Variants in LAMA2 observed in about 807,000 individuals in gnomAD.
The protein encoded by LAMA2 is laminin subunit alpha-2.
A neutral mutation model predicts 364.8 loss-of-function variants in LAMA2; 269 were observed. The ratio of observed to expected loss-of-function variants is 0.74; its 90% CI spans 0.67 to 0.82. The LOEUF is 0.82. LAMA2 is among the 40% of genes least tolerant of loss of function. The pLI is 0.00. For missense variants in LAMA2, 3,807 were observed against 3,873.2 expected, an observed-to-expected ratio of 0.98 and a Z score of 0.45; for synonymous variants, 1,379 against 1,370.6, an observed-to-expected ratio of 1.01 and a Z score of -0.14.
At chr6:129,124,720 A>G (rs1460559016) in intron 4 of LAMA2, among the ~76,000 whole-genome samples, 1 of 152,228 alleles carries the variant, frequency 6.6e-6, no homozygotes, top group African/African-American at 2.4e-5. Context: ...AATTTTAAAT[A>G]CCATATATTT....
chr6:128,948,163 C>T (rs1780596286), intron 1 of LAMA2, among the ~76,000 whole-genome samples: 1 of 151,916 alleles, frequency 6.6e-6, no homozygotes, highest in South Asian at 2.1e-4. Context: ...GAGGTTAAGG[C>T]TAGAAAAATC....
intron 3 of LAMA2, among the ~76,000 whole-genome samples, chr6:129,073,308 T>G (rs1773435910): frequency 6.6e-6 from 1 of 152,186 alleles, no homozygotes; most frequent in Admixed American, 6.5e-5. Context: ...TTTTTTAATT[T>G]TGCTTTTGGT....
intron 52 of LAMA2, among the ~76,000 whole-genome samples, chr6:129,474,086 CG>C (rs1444111742): frequency 7.9e-5 from 12 of 151,840 alleles, no homozygotes; most frequent in African/African-American, 2.9e-4. Flanking sequence ...TTGGTTAAAC[CG>C]TAAGAGTTTA....
intron 1 of LAMA2, among the ~76,000 whole-genome samples, chr6:129,032,368 G>C (rs1163572667): frequency 6.6e-6 from 1 of 152,170 alleles, no homozygotes; most frequent in Admixed American, 6.5e-5. Flanking sequence ...AAAGCATTAG[G>C]AAAGCCCTCA....
intron 34 of LAMA2, among the ~76,000 whole-genome samples, chr6:129,381,411 G>A (rs573975051): frequency 4.0e-5 from 6 of 151,726 alleles, no homozygotes; most frequent in Admixed American, 1.3e-4. Context: ...GCGTGATCTC[G>A]GCTCACTGCC....
intron 7 of LAMA2, among the ~76,000 whole-genome samples, chr6:129,150,237 A>G (rs543568962): frequency 2.1e-3 from 313 of 152,204 alleles, no homozygotes; most frequent in South Asian, 6.6e-3. Flanking sequence ...GTTTCCTTCA[A>G]CTACTTCCAG....
chr6:129,510,536 A>G (rs2114923386), intron 62 of LAMA2, among the ~76,000 whole-genome samples: 1 of 152,298 alleles, frequency 6.6e-6, no homozygotes, highest in South Asian at 2.1e-4. Flanking sequence ...TAATAAGCAC[A>G]TAATATGTGG....
chr6:129,244,086 G>A (rs1336740695), intron 12 of LAMA2, among the ~76,000 whole-genome samples: 2 of 152,066 alleles, frequency 1.3e-5, no homozygotes, highest in Non-Finnish European at 2.9e-5. Flanking sequence ...TCTAGAATGT[G>A]TTGTCTCTGT....
At chr6:128,910,053 T>G (rs1326765546) in intron 1 of LAMA2, among the ~76,000 whole-genome samples, 1 of 152,096 alleles carries the variant, frequency 6.6e-6, no homozygotes, top group East Asian at 1.9e-4. Context: ...GTGCTTTCTC[T>G]CTGGCTGCCC....
chr6:129,449,977 T>C (rs921094662), intron 45 of LAMA2, among the ~76,000 whole-genome samples: 1 of 151,856 alleles, frequency 6.6e-6, no homozygotes, highest in Non-Finnish European at 1.5e-5. Context: ...TAATTGTTTT[T>C]GTATTTTTAG....
chr6:128,968,508 G>A (rs544206750), intron 1 of LAMA2, among the ~76,000 whole-genome samples: 1 of 152,284 alleles, frequency 6.6e-6, no homozygotes, highest in South Asian at 2.1e-4. Flanking sequence ...GAAAACAGGT[G>A]TTGGAATAGA....
intron 4 of LAMA2, among the ~76,000 whole-genome samples, chr6:129,100,128 A>G (rs1159280939): frequency 2.0e-5 from 3 of 152,224 alleles, no homozygotes; most frequent in East Asian, 1.9e-4. Context: ...TGTCACAAGC[A>G]TATACCCTAC....
intron 58 of LAMA2, among the ~76,000 whole-genome samples, chr6:129,493,367 T>G (rs1012198532): frequency 1.3e-5 from 2 of 152,094 alleles, no homozygotes; most frequent in Non-Finnish European, 2.9e-5. Flanking sequence ...CTGTGTGAAT[T>G]TGGGAAAGCT....
At chr6:129,392,085 C>G (rs1487672097) in intron 36 of LAMA2, among the ~76,000 whole-genome samples, 1 of 152,150 alleles carries the variant, frequency 6.6e-6, no homozygotes, top group African/African-American at 2.4e-5. Flanking sequence ...ATTGGCCAAC[C>G]TATACATTTT....
intron 1 of LAMA2, among the ~76,000 whole-genome samples, chr6:129,014,693 A>C (rs1478998839): frequency 6.6e-6 from 1 of 152,114 alleles, no homozygotes; most frequent in Non-Finnish European, 1.5e-5. Flanking sequence ...TTGGATTACT[A>C]ATTTTAAGTT....
chr6:129,025,122 T>C (rs1180608107), intron 1 of LAMA2, among the ~76,000 whole-genome samples: 2 of 152,176 alleles, frequency 1.3e-5, no homozygotes, highest in Non-Finnish European at 2.9e-5. Flanking sequence ...TTGAGTAAAT[T>C]TGTTGAGGAG....
At chr6:129,353,120 G>A in intron 31 of LAMA2, 44 bp from the exon 32 acceptor site, 4 of 1,469,786 alleles carry the variant, frequency 2.7e-6, no homozygotes, top group Non-Finnish European at 3.8e-6. Flanking sequence ...GTGGAGACAT[G>A]ACTTGCTATT....
At chr6:129,159,037 A>G (rs1779301686) in intron 8 of LAMA2, 1 of 1,580,952 alleles carries the variant, frequency 6.3e-7, no homozygotes, top group Non-Finnish European at 8.7e-7. Flanking sequence ...CGTGGAGCAT[A>G]CTATCCAGAT....
chr6:129,070,175 A>C (rs1448027471), intron 3 of LAMA2, among the ~76,000 whole-genome samples: 1 of 152,116 alleles, frequency 6.6e-6, no homozygotes, highest in Admixed American at 6.6e-5. Flanking sequence ...AATGGAGCAA[A>C]TAGGCCCACT....
Sources: gnomAD v4.1 joint callset for allele counts (sites outside exome capture counted in the v4.1 genomes callset) on GRCh38, gnomAD v4.1.1 for gene constraint, MANE v1.5 for transcripts, NCBI Gene and HGNC (gene_info 2026-07-23, HGNC 2026-07-21) for gene names.